Variants in CCNY observed in about 807,000 individuals in gnomAD.
The protein encoded by CCNY is cyclin Y.
In CCNY, 19 loss-of-function variants were observed where a neutral mutation model predicts 42.8. That is an observed-to-expected ratio of 0.44 (90% CI 0.31 to 0.65). The LOEUF is 0.65. Among genes scored for constraint, CCNY ranks in the 30% least tolerant of loss-of-function variants. The pLI is 0.07. For missense variants in CCNY, 370 were observed against 437.3 expected (o/e 0.85, Z 1.37); for synonymous variants, 165 against 162.7 (o/e 1.01, Z -0.11).
At chr10:35,523,103 G>A (rs989053899) in intron 4 of CCNY, among the ~76,000 whole-genome samples, 1 of 152,194 alleles carries the variant, frequency 6.6e-6, no homozygotes, top group African/African-American at 2.4e-5. Flanking sequence ...CAGAGGATAG[G>A]TTGTCAACCA....
chr10:35,346,359 C>G (rs1270405496), intron 1 of CCNY, among the ~76,000 whole-genome samples: 1 of 152,140 alleles, frequency 6.6e-6, no homozygotes, highest in Non-Finnish European at 1.5e-5. Context: ...TAGGGGCTTC[C>G]TTTGCTATTT....
At chr10:35,303,540 G>A (rs1488741507) in intron 3 of CCNY, among the ~76,000 whole-genome samples, 1 of 151,384 alleles carries the variant, frequency 6.6e-6, no homozygotes, top group Admixed American at 6.6e-5. Context: ...CACTTTGGGA[G>A]GCCGAGGTGG....
intron 3 of CCNY, chr10:35,315,043 C>G (rs530349153): frequency 2.0e-5 from 3 of 152,034 alleles, no homozygotes; most frequent in African/African-American, 7.2e-5. Flanking sequence ...ATTGCGCCAC[C>G]GCACTCCAGC....
intron 1 of CCNY, among the ~76,000 whole-genome samples, chr10:35,408,984 CAA>C (rs1837844959): frequency 6.7e-6 from 1 of 149,204 alleles, no homozygotes; most frequent in Admixed American, 6.7e-5. Context: ...TGAAGAAAAA[CAA>C]AAAGAGTTAT....
At chr10:35,329,392 A>T (rs1310767927) in intron 3 of CCNY, among the ~76,000 whole-genome samples, 1 of 152,084 alleles carries the variant, frequency 6.6e-6, no homozygotes, top group African/African-American at 2.4e-5. Flanking sequence ...TCTACTAAAA[A>T]TAAAAAATAA....
intron 3 of CCNY, chr10:35,327,660 G>C (rs2135101475): frequency 6.6e-6 from 1 of 152,278 alleles, no homozygotes; most frequent in Admixed American, 6.5e-5. Context: ...CCTAAATCCT[G>C]TTCCTCTCTT....
intron 3 of CCNY, among the ~76,000 whole-genome samples, chr10:35,319,940 ACT>A (rs1185483175): frequency 6.6e-6 from 1 of 151,898 alleles, no homozygotes; most frequent in Non-Finnish European, 1.5e-5. Context: ...ACACTGTGAC[ACT>A]CTGTCTCAAA....
At chr10:35,269,062 C>T (rs1267830723) in intron 3 of CCNY, among the ~76,000 whole-genome samples, 1 of 152,222 alleles carries the variant, frequency 6.6e-6, no homozygotes, top group Non-Finnish European at 1.5e-5. Context: ...CACTTGGCCA[C>T]ACCCTCAGTT....
upstream of CCNY, among the ~76,000 whole-genome samples, chr10:35,334,396 C>T (rs747160753): frequency 5.3e-5 from 8 of 152,182 alleles, no homozygotes; most frequent in Admixed American, 1.3e-4. Context: ...TCAGAACAGA[C>T]AACAACAGAC....
intron 1 of CCNY, among the ~76,000 whole-genome samples, chr10:35,418,331 G>A (rs895741959): frequency 3.3e-5 from 5 of 152,174 alleles, no homozygotes; most frequent in South Asian, 2.1e-4. Flanking sequence ...CCCCACCCCC[G>A]GCTTGATCAC....
intron 1 of CCNY, among the ~76,000 whole-genome samples, chr10:35,473,724 C>T (rs893224362): frequency 6.6e-6 from 1 of 152,132 alleles, no homozygotes; most frequent in Non-Finnish European, 1.5e-5. Context: ...CTCAGTATTC[C>T]ATTAATTTAT....
At chr10:35,518,193 CTG>C (rs1032979736) in intron 4 of CCNY, among the ~76,000 whole-genome samples, 3 of 152,232 alleles carry the variant, frequency 2.0e-5, no homozygotes, top group African/African-American at 7.2e-5. Context: ...AGTGAGAGAA[CTG>C]TGTGACAATT....
chr10:35,516,874 A>G (rs1333069940), intron 4 of CCNY, among the ~76,000 whole-genome samples: 1 of 151,942 alleles, frequency 6.6e-6, no homozygotes, highest in Non-Finnish European at 1.5e-5. Flanking sequence ...TACTATTTAC[A>G]TTAAAAGACC....
intron 3 of CCNY, among the ~76,000 whole-genome samples, chr10:35,253,421 T>TAA (rs1348987452): frequency 2.9e-4 from 31 of 106,242 alleles, no homozygotes; most frequent in African/African-American, 1.0e-3. Flanking sequence ...ACTATTTTTT[T>TAA]TTTTTTTTTT....
At chr10:35,325,618 G>A (rs1564369216) in intron 3 of CCNY, among the ~76,000 whole-genome samples, 1 of 151,798 alleles carries the variant, frequency 6.6e-6, no homozygotes, top group East Asian at 1.9e-4. Context: ...ACAGGCATGC[G>A]CCACCACTCC....
In CCNY at chr10:35,522,525, A is replaced by C. The variant is rs527779893; in HGVS notation, c.366-3439A>C. On this transcript the variant is annotated intron_variant, in intron 4 of 9. Coordinates refer to ENST00000374704, the MANE Select transcript of CCNY (RefSeq NM_145012.6). ...GCAATAAGAGCCACACTCCAGGGGG[A>C]GGCCAAATGAGAGTCAGTATGTGAC... Among the ~76,000 whole-genome samples, 21 of 152,238 alleles carry C rather than the reference A, an allele frequency of 1.4e-4. No individual in the cohort carries two copies. In the East Asian group the frequency reaches 3.9e-3, roughly 28 times the overall value.
At chr10:35,430,077 C>T (rs1838352057) in intron 1 of CCNY, among the ~76,000 whole-genome samples, 1 of 151,936 alleles carries the variant, frequency 6.6e-6, no homozygotes, top group African/African-American at 2.4e-5. Context: ...GTGGCTCACG[C>T]CTGTAATCCC....
intron 3 of CCNY, among the ~76,000 whole-genome samples, chr10:35,299,647 G>A (rs1835510172): frequency 6.6e-6 from 1 of 151,988 alleles, no homozygotes; most frequent in African/African-American, 2.4e-5. Flanking sequence ...TCTTGTGTCT[G>A]TATAAAGTGG....
chr10:35,336,291 G>A (rs1407974830), upstream of CCNY: 1 of 152,006 alleles, frequency 6.6e-6, no homozygotes, highest in Non-Finnish European at 1.5e-5. Flanking sequence ...GGTGGGGAAG[G>A]GCCTCCAGAA....
Sources: allele counts gnomAD v4.1 joint callset (sites outside exome capture counted in the v4.1 genomes callset), GRCh38; gene constraint gnomAD v4.1.1; transcripts MANE v1.5; gene names NCBI Gene and HGNC (gene_info 2026-07-23, HGNC 2026-07-21).